Variants in HLA-C observed in about 807,000 individuals in gnomAD.
HLA-C encodes the protein major histocompatibility complex, class I, C, also known as HLA class I histocompatibility antigen, C alpha chain.
Under a neutral mutation model 36.9 loss-of-function variants are expected in HLA-C, and 15 were observed. The observed-to-expected ratio is 0.41, with a 90% CI of 0.27 to 0.63. The LOEUF is 0.63. Among genes scored for constraint, HLA-C ranks in the 20% least tolerant of loss-of-function variants. HLA-C has a pLI of 0.35. For missense variants in HLA-C, 272 were observed against 400.4 expected, an observed-to-expected ratio of 0.68 and a Z score of 2.74; for synonymous variants, 104 against 174.3, an observed-to-expected ratio of 0.60 and a Z score of 3.18.
Position 31,269,397 on chromosome 6 carries a change from C to CAA in HLA-C, c.1049-14_1049-13dup. 8.3e-6 allele frequency: 7 copies of CAA among 842,202 alleles called. No homozygotes were observed. The highest frequency in any genetic ancestry group is 6.2e-5 in the East Asian group (1 of 16,070). The allele number at this position is 842,202 out of a possible 1,614,324, so 52.2% of individuals were successfully genotyped here. A position where few individuals can be genotyped will look rare whatever the true frequency, so the allele number is the denominator to read the frequency against. On this transcript the variant is annotated splice_polypyrimidine_tract_variant and intron_variant, in intron 6 of 7. Coordinates refer to ENST00000376228, the Ensembl canonical transcript of HLA-C. ...GGCACTGTTGCTGCCTGGGGTAGAACAAAAAAAAAGACCTGGTCAGAGCCC... is the reference window on the plus strand; with the variant it reads ...GGCACTGTTGCTGCCTGGGGTAGAACAAAAAAAAAAAGACCTGGTCAGAGCCC...
exon 8 of HLA-C, chr6:31,269,000 G>A (rs1761094435): frequency 2.9e-6 from 2 of 700,032 alleles, no homozygotes; most frequent in Middle Eastern, 2.4e-4. Context: ...GTGGGGACAG[G>A]GGTCACGGTG....
At chr6:31,269,015 CG>C in exon 8 of HLA-C, 1 of 699,708 alleles carries the variant, frequency 1.4e-6, no homozygotes. Flanking sequence ...ACGGTGGACA[CG>C]GGGGTGGGCT....
chr6:31,270,694 TC>T (rs1761251436), intron 3 of HLA-C: 1 of 427,304 alleles, frequency 2.3e-6, no homozygotes, highest in South Asian at 2.4e-5. Flanking sequence ...CGACTTCTGG[TC>T]CTGACCTGAG....
rs41548123 is a variant in HLA-C, at chr6:31,272,052, C to T, written c.20G>A (p.Arg7Gln). The T allele has an allele frequency of 3.8e-3, 3,893 of 1,013,684 alleles. 147 individuals are homozygous for T. Among genetic ancestry groups the T allele is most frequent in the African/African-American group, 0.032 (1,273 of 39,238 alleles). 62.8% of individuals were successfully genotyped at this position (1,013,684 alleles called of 1,614,324 possible). ...TCCCGAGAGCAGCAGGAGGAGGGCT[C>T]GGGGCGCCATGACCCGCATCTCGGC... The change falls in exon 1 of 8, where the codon CGA (arginine) becomes CAA (glutamine). Residue 7 changes from arginine to glutamine, a missense_variant. Physicochemically the swap from Arg to Gln is conservative, Grantham distance 43. Transcript: ENST00000376228.
At chr6:31,271,294 A>G (rs2113911251) in exon 3 of HLA-C, 3 of 1,158,068 alleles carry the variant, frequency 2.6e-6, no homozygotes, top group Admixed American at 2.7e-5. Flanking sequence ...CCCGCGGAGG[A>G]GGCGCCCGTC....
In HLA-C at chr6:31,271,074, TG is replaced by T; in HGVS notation, c.617del (p.Ala206GlufsTer8). The T allele has an allele frequency of 1.2e-6, 1 of 835,086 alleles. No individual in the cohort carries two copies. Among genetic ancestry groups the T allele is most frequent in the Non-Finnish European group, 1.5e-6 (1 of 651,166 alleles). 51.7% of individuals were successfully genotyped at this position (835,086 alleles called of 1,614,324 possible). On this transcript the variant is annotated frameshift_variant and splice_region_variant, in exon 3 of 8. Coordinates refer to ENST00000376228, the Ensembl canonical transcript of HLA-C. LOFTEE classifies it high-confidence loss of function. ...AAGGCTCCCCACTGCCCCTGGTACC[TG>T]CGCGCTGCAGCGTCTCCTTCCCGTT... is the stretch of plus-strand genomic sequence containing the variant.
At position 31,271,364 on chromosome 6, in the gene HLA-C, C is replaced by A. The variant is rs9264661; in HGVS notation, c.344-16G>T. ...GTGTGAGACCCTGGCCCCGCCCCCG[C>A]GGTCAGCCCAGTCCCCCGAGCCCCG... is the stretch of plus-strand genomic sequence containing the variant. On this transcript the variant is annotated splice_polypyrimidine_tract_variant and intron_variant, in intron 2 of 7. Coordinates refer to ENST00000376228, the Ensembl canonical transcript of HLA-C. The A allele has an allele frequency of 4.7e-6, 4 of 853,756 alleles. 1 individual carries two copies. Among genetic ancestry groups the A allele is most frequent in the African/African-American group, 3.9e-5 (1 of 25,540 alleles). 52.9% of individuals were successfully genotyped at this position (853,756 alleles called of 1,614,324 possible).
In HLA-C at chr6:31,270,324, C is replaced by A; in HGVS notation, c.781G>T (p.Gly261Ter). 3.3e-6 allele frequency: 3 copies of A among 919,798 alleles called. No individual in the cohort carries two copies. The highest frequency in any genetic ancestry group is 6.4e-5 in the East Asian group (1 of 15,532). The allele number at this position is 919,798 out of a possible 1,614,324, so 57.0% of individuals were successfully genotyped here. ...GCCCACTTCTGGAAGGTTCCATCTC[C>A]TGCTGGCCTGGTCTCCACAAGCTCG... Residue 261 changes from glycine (G) to a stop codon, truncating the protein, a stop_gained, in exon 4 of 8, where the codon GGA becomes TGA. Transcript: ENST00000376228. LOFTEE classifies it high-confidence loss of function.
chr6:31,268,930 G>GAC (rs1761088389), exon 8 of HLA-C: 2 of 313,258 alleles, frequency 6.4e-6, no homozygotes, highest in Admixed American at 1.2e-4. Context: ...CAGAGATGGA[G>GAC]ACATCCAGCC....
In HLA-C at chr6:31,269,397, CA is replaced by C. The variant is rs281860591; in HGVS notation, c.1049-13del. The stretch of plus-strand genomic sequence containing the variant: ...GGCACTGTTGCTGCCTGGGGTAGAA[CA>C]AAAAAAAAGACCTGGTCAGAGCCCG... On this transcript the variant is annotated splice_polypyrimidine_tract_variant and intron_variant, in intron 6 of 7. Coordinates refer to ENST00000376228, the Ensembl canonical transcript of HLA-C. The C allele has an allele frequency of 8.8e-4, 740 of 837,746 alleles. 8 individuals are homozygous for C. The highest frequency in any genetic ancestry group is 2.8e-3 in the East Asian group (45 of 15,922). 51.9% of individuals were successfully genotyped at this position (837,746 alleles called of 1,614,324 possible).
At position 31,271,950 on chromosome 6, in the gene HLA-C, C is replaced by A. The variant is rs29029490; in HGVS notation, c.73+49G>T. 29,592 of 1,075,340 alleles carry A rather than the reference C, an allele frequency of 0.028. 2,346 individuals are homozygous for A. The highest frequency in any genetic ancestry group is 0.19 in the East Asian group (4,890 of 25,212). 66.6% of individuals were successfully genotyped at this position (1,075,340 alleles called of 1,614,324 possible). A position where few individuals can be genotyped will look rare whatever the true frequency, so the allele number is the denominator to read the frequency against. ...GGTCCTGCGCCCTCGCCGGGAGGGC[C>A]CCTCGCTCCTCTCCGCAGAGGCCGC... On this transcript the variant is annotated intron_variant, in intron 1 of 7. Coordinates refer to ENST00000376228, the Ensembl canonical transcript of HLA-C.
rs9264650 is a variant in HLA-C, at chr6:31,270,931, G to A, written c.619+142C>T. ...CTAGAGAGCAGAGGGGGCCCTCAGA[G>A]GAAACTCAGGAAAACTCATGCCATT... On this transcript the variant is annotated intron_variant, in intron 3 of 7. Coordinates refer to ENST00000376228, the Ensembl canonical transcript of HLA-C. 398 of 484,674 alleles carry A rather than the reference G, an allele frequency of 8.2e-4. 19 individuals carry two copies. The highest frequency in any genetic ancestry group is 2.5e-3 in the Admixed American group (46 of 18,302). The allele number at this position is 484,674 out of a possible 1,614,324, so 30.0% of individuals were successfully genotyped here.
Position 31,271,215 on chromosome 6 carries a change from G to A in HLA-C, c.477C>T (p.Ala159=), listed in dbSNP as rs41550715. 5.0e-3 allele frequency: 5,437 copies of A among 1,090,096 alleles called. 429 individuals are homozygous for A. The highest frequency in any genetic ancestry group is 0.043 in the South Asian group (2,842 of 65,512). 67.5% of individuals were successfully genotyped at this position (1,090,096 alleles called of 1,614,324 possible). ...GGGTGATCTGAGCCGCGGTGTCCGCGGCGGTCCAGGAGCGCAGGTCCTCGT... is the reference window on the plus strand; with the variant it reads ...GGGTGATCTGAGCCGCGGTGTCCGCAGCGGTCCAGGAGCGCAGGTCCTCGT... Residue 159 remains alanine, a synonymous_variant, in exon 3 of 8, where the codon GCC becomes GCT. Transcript: ENST00000376228.
At chr6:31,271,502 TG>T in intron 2 of HLA-C, 96 bp downstream of exon 2, 1 of 668,968 alleles carries the variant, frequency 1.5e-6, no homozygotes, top group Non-Finnish European at 2.0e-6. Flanking sequence ...AGATCCACCT[TG>T]GGGTGGATCT....
At chr6:31,271,611 GGTT>G in exon 2 of HLA-C, 1 of 1,235,142 alleles carries the variant, frequency 8.1e-7, no homozygotes, top group Non-Finnish European at 1.1e-6. Context: ...TCCTCGCTCT[GGTT>G]GTAGTAGCCG....
At chr6:31,271,931 G>A in intron 1 of HLA-C, 63 bp from the exon 2 acceptor site, 1 of 1,144,974 alleles carries the variant, frequency 8.7e-7, no homozygotes, top group Non-Finnish European at 1.2e-6. Context: ...CCCGGGTCCT[G>A]CGCCCTCGCC....
chr6:31,269,261 C>G lies in HLA-C; in HGVS notation c.1096+77G>C, dbSNP rs1272768036. ...CGGCCCACCACACACTCGAAACGTC[C>G]CAATCAAAGAATCCCCATTACCCAG... On this transcript the variant is annotated intron_variant, in intron 7 of 7. Transcript: ENST00000376228. The G allele has an allele frequency of 6.9e-5, 64 of 924,008 alleles. 10 individuals are homozygous for G. Among genetic ancestry groups the G allele is most frequent in the Non-Finnish European group, 4.4e-6 (3 of 681,822 alleles). 57.2% of individuals were successfully genotyped at this position (924,008 alleles called of 1,614,324 possible).
rs1323742039 is a variant in HLA-C at position 31,271,987 on chromosome 6, C to A, written c.73+12G>T. ...TCCGCAGAGGCCGCTTCCCTCCCAA[C>A]CCCGCACTCACAGGCCCAGGTCTCG... On this transcript the variant is annotated intron_variant, in intron 1 of 7. Coordinates refer to ENST00000376228, the Ensembl canonical transcript of HLA-C. 3 of 1,079,338 alleles carry A rather than the reference C, an allele frequency of 2.8e-6. 1 individual carries two copies. The highest frequency in any genetic ancestry group is 3.7e-6 in the Non-Finnish European group (3 of 806,540). The allele number at this position is 1,079,338 out of a possible 1,614,324, so 66.9% of individuals were successfully genotyped here.
chr6:31,269,410 C>T, intron 6 of HLA-C, 25 bp from the exon 7 acceptor site: 1 of 873,554 alleles, frequency 1.1e-6, no homozygotes, highest in Non-Finnish European at 1.5e-6. Context: ...AAAAAAAGAC[C>T]TGGTCAGAGC....
Sources: allele counts gnomAD v4.1 joint callset, GRCh38; gene constraint gnomAD v4.1.1; transcripts MANE v1.5; gene names NCBI Gene and HGNC (gene_info 2026-07-23, HGNC 2026-07-21).